CDADC1: variants seen among roughly 807,000 people sequenced by gnomAD.
CDADC1 encodes the protein cytidine and dCMP deaminase domain containing 1.
CDADC1 carries 39 observed loss-of-function variants against 54.9 expected under a neutral mutation model. The observed-to-expected ratio is 0.71, with a 90% confidence interval of 0.55 to 0.93. The LOEUF is 0.93. Among genes scored for constraint, CDADC1 ranks in the 40% least tolerant of loss-of-function variants. CDADC1 has a pLI of 0.00. For missense variants in CDADC1, 518 were observed against 618.8 expected, an observed-to-expected ratio of 0.84 and a Z score of 1.73; for synonymous variants, 186 against 204.0, an observed-to-expected ratio of 0.91 and a Z score of 0.75.
In CDADC1 at chr13:49,282,859, CT is replaced by C. The variant is rs538939337; in HGVS notation, c.1410+2162del. Among the ~76,000 whole-genome samples the C allele has an allele frequency of 2.2e-3, 337 of 152,344 alleles. 2 individuals carry two copies. Among genetic ancestry groups the C allele is most frequent in the African/African-American group, 7.8e-3 (323 of 41,572 alleles). On this transcript the variant is annotated intron_variant, in intron 8 of 9. Coordinates refer to ENST00000251108, the MANE Select transcript of CDADC1 (RefSeq NM_030911.4). ...TGCACTCCTTATGAGAATCTAAAGC[CT>C]GATGATCCCCCATTCCTCACCATCT... is the stretch of plus-strand genomic sequence containing the variant.
At position 49,259,520 on chromosome 13, in the gene CDADC1, A is replaced by G; in HGVS notation, c.427A>G (p.Asn143Asp). The change falls in exon 4 of 10, where the codon AAT becomes GAT. Residue 143 changes from asparagine (N) to aspartate (D), a missense_variant. Coordinates refer to ENST00000251108, the MANE Select transcript of CDADC1 (RefSeq NM_030911.4). ...PCSACLKMIV[N>D]AGVNRISYWP... ...TTCTGCTTGTTTGAAAATGATTGTA[A>G]ATGGTAAGTGCAGAAAAGGGTTTGT... is the stretch of plus-strand genomic sequence containing the variant. 6.2e-7 allele frequency: 1 copy of G among 1,613,616 alleles called. No homozygotes were observed. The highest frequency in any genetic ancestry group is 8.5e-7 in the Non-Finnish European group (1 of 1,179,652).
chr13:49,273,406 A>G (rs1181365589), intron 5 of CDADC1, among the ~76,000 whole-genome samples: 1 of 152,202 alleles, frequency 6.6e-6, no homozygotes, highest in African/African-American at 2.4e-5. Flanking sequence ...GATAAATACT[A>G]TGGTTTTCAT....
intron 9 of CDADC1, 50 bp downstream of exon 9, chr13:49,286,332 TAC>T (rs746583264): frequency 9.9e-5 from 128 of 1,290,932 alleles, no homozygotes; most frequent in Non-Finnish European, 1.6e-5. Context: ...AGAAAGGATA[TAC>T]AGTGAATTTT....
intron 4 of CDADC1, chr13:49,265,864 C>A (rs1305071925): frequency 7.7e-7 from 1 of 1,300,196 alleles, no homozygotes; most frequent in Non-Finnish European, 1.0e-6. Flanking sequence ...GAGGATTTTT[C>A]CCCTCTTGAA....
At chr13:49,282,070 G>A (rs902475264) in intron 8 of CDADC1, among the ~76,000 whole-genome samples, 1 of 151,940 alleles carries the variant, frequency 6.6e-6, no homozygotes, top group East Asian at 1.9e-4. Flanking sequence ...CACCGGCCTC[G>A]GCCACCCAAA....
In CDADC1 at chr13:49,292,863, G is replaced by A; in HGVS notation, c.*1106G>A. On this transcript the variant is annotated 3_prime_UTR_variant, in exon 10 of 10. Transcript: ENST00000251108. ...AGGTTTGCCTCTGCTTTTGTTCCCTGCCTTTCCGCCACATCACACGGCCTC... is the reference window on the plus strand; with the variant it reads ...AGGTTTGCCTCTGCTTTTGTTCCCTACCTTTCCGCCACATCACACGGCCTC... 1.9e-6 allele frequency: 2 copies of A among 1,058,954 alleles called. No individual in the cohort carries two copies. Among genetic ancestry groups the A allele is most frequent in the South Asian group, 1.4e-5 (1 of 69,038 alleles). The allele number at this position is 1,058,954 out of a possible 1,614,324, so 65.6% of individuals were successfully genotyped here.
At chr13:49,249,025 T>A (rs1489627785) in intron 2 of CDADC1, 60 bp downstream of exon 2, 1 of 1,063,366 alleles carries the variant, frequency 9.4e-7, no homozygotes, top group African/African-American at 1.6e-5. Flanking sequence ...TCTGAGTTTA[T>A]TGCTCCAGTT....
intron 5 of CDADC1, among the ~76,000 whole-genome samples, chr13:49,272,824 A>G (rs1953006041): frequency 6.6e-6 from 1 of 151,588 alleles, no homozygotes; most frequent in African/African-American, 2.4e-5. Context: ...CACCTGGCTA[A>G]TTTTTGTATT....
chr13:49,290,418 TAG>T (rs571599885), intron 9 of CDADC1, among the ~76,000 whole-genome samples: 1 of 151,940 alleles, frequency 6.6e-6, no homozygotes, highest in Non-Finnish European at 1.5e-5. Context: ...ACATTATATA[TAG>T]AGAGAGAGAA....
At chr13:49,260,935 G>A (rs1322178324) in intron 4 of CDADC1, among the ~76,000 whole-genome samples, 6 of 152,148 alleles carry the variant, frequency 3.9e-5, no homozygotes, top group Admixed American at 6.6e-5. Flanking sequence ...ATCTTGATGC[G>A]TCATAGGTAG....
At chr13:49,277,798 A>C (rs1426108447) in intron 6 of CDADC1, among the ~76,000 whole-genome samples, 1 of 152,214 alleles carries the variant, frequency 6.6e-6, no homozygotes, top group Non-Finnish European at 1.5e-5. Flanking sequence ...ATAAATACTG[A>C]AGATGAAAAT....
chr13:49,251,111 G>T (rs1464775208), intron 2 of CDADC1, among the ~76,000 whole-genome samples: 1 of 152,004 alleles, frequency 6.6e-6, no homozygotes, highest in Non-Finnish European at 1.5e-5. Context: ...CAAATATTTA[G>T]AGGTTTAAGA....
At chr13:49,271,950 T>C (rs1945389434) in intron 5 of CDADC1, among the ~76,000 whole-genome samples, 1 of 152,264 alleles carries the variant, frequency 6.6e-6, no homozygotes, top group African/African-American at 2.4e-5. Context: ...AAATCTGTTT[T>C]ATATGGATGA....
intron 2 of CDADC1, among the ~76,000 whole-genome samples, chr13:49,250,548 A>T (rs1257603548): frequency 1.3e-5 from 2 of 152,224 alleles, no homozygotes; most frequent in Admixed American, 6.5e-5. Context: ...GGAACTCTAC[A>T]TGGAAAAGCT....
intron 1 of CDADC1, among the ~76,000 whole-genome samples, 171 bp from the exon 2 acceptor site, chr13:49,248,700 A>G (rs757682855): frequency 6.6e-6 from 1 of 151,982 alleles, no homozygotes; most frequent in Non-Finnish European, 1.5e-5. Context: ...GCCACGACTA[A>G]GGCTGAAGCG....
chr13:49,276,352 A>T (rs906658354), intron 6 of CDADC1, among the ~76,000 whole-genome samples: 1 of 152,130 alleles, frequency 6.6e-6, no homozygotes, highest in Non-Finnish European at 1.5e-5. Flanking sequence ...GAAAATAAGG[A>T]GATTAATAAA....
rs1363885271 is a variant in CDADC1, at chr13:49,275,740, G to T, written c.1050+1400G>T. 5.8e-3 allele frequency among the ~76,000 whole-genome samples: 70 copies of T among 12,102 alleles called. 2 individuals are homozygous for T. The highest frequency in any genetic ancestry group is 0.012 in the South Asian group (3 of 246). The allele number at this position is 12,102 out of a possible 152,430, so 7.9% of individuals were successfully genotyped here. ...ATATATATATATAGAGAGAGAGAGA[G>T]AGAGAGAGAGAGAGAGAGAGAGAGA... On this transcript the variant is annotated intron_variant, in intron 6 of 9. Transcript: ENST00000251108.
At position 49,284,831 on chromosome 13, in the gene CDADC1, G is replaced by A. The variant is rs192735066; in HGVS notation, c.1411-1391G>A. On this transcript the variant is annotated intron_variant, in intron 8 of 9. Transcript: ENST00000251108. The stretch of plus-strand genomic sequence containing the variant: ...ACTGATGCTTATGGAAGAGGCTCCC[G>A]GGTAATCCATATTTGTGTCCTGAGA... 3.1e-3 allele frequency among the ~76,000 whole-genome samples: 478 copies of A among 152,266 alleles called. 2 individuals are homozygous for A. Among genetic ancestry groups the A allele is most frequent in the African/African-American group, 0.01 (431 of 41,548 alleles).
intron 8 of CDADC1, 56 bp from the exon 9 acceptor site, chr13:49,286,166 G>C: frequency 7.5e-7 from 1 of 1,327,308 alleles, no homozygotes; most frequent in Non-Finnish European, 1.1e-6. Flanking sequence ...CAATGTGCTG[G>C]AATGCTATGT....
Sources: gnomAD v4.1 joint callset for allele counts (sites outside exome capture counted in the v4.1 genomes callset) on GRCh38, gnomAD v4.1.1 for gene constraint, MANE v1.5 for transcripts, NCBI Gene and HGNC (gene_info 2026-07-23, HGNC 2026-07-21) for gene names.